NTM: variants seen among roughly 807,000 people sequenced by gnomAD.
NTM encodes the protein IgLON family member 2.
In NTM, 13 loss-of-function variants were observed where a neutral mutation model predicts 42.1. The ratio of observed to expected loss-of-function variants is 0.31; its 90% CI spans 0.20 to 0.49. The LOEUF (loss-of-function observed/expected upper bound fraction) is 0.49. NTM is among the 20% of genes least tolerant of loss of function. The pLI is 0.99. For missense variants in NTM, 373 were observed against 452.8 expected (o/e 0.82, Z 1.60); for synonymous variants, 187 against 179.2 (o/e 1.04, Z -0.35).
chr11:131,857,576 G>A (rs895827628), intron 1 of NTM, among the ~76,000 whole-genome samples: 1 of 152,016 alleles, frequency 6.6e-6, no homozygotes, highest in East Asian at 1.9e-4. Context: ...CTTTTCCTGG[G>A]GATAGGAACC....
At chr11:132,229,679 A>G (rs1035105425) in intron 4 of NTM, among the ~76,000 whole-genome samples, 1 of 152,142 alleles carries the variant, frequency 6.6e-6, no homozygotes, top group Non-Finnish European at 1.5e-5. Flanking sequence ...ATTCATGACA[A>G]TCTGTAGATT....
At chr11:131,716,186 G>C (rs789540) in intron 1 of NTM, among the ~76,000 whole-genome samples, 24,896 of 152,064 alleles carry the variant, frequency 0.16, 2,131 homozygotes, top group Middle Eastern at 0.22. Context: ...GAACAAGTTC[G>C]CCTGGGCCTT....
chr11:132,012,717 T>C (rs937814552), intron 2 of NTM, among the ~76,000 whole-genome samples: 7 of 152,164 alleles, frequency 4.6e-5, no homozygotes, highest in African/African-American at 7.2e-5. Flanking sequence ...AAAGAGAATC[T>C]AAAAAGGTTA....
At chr11:131,668,271 T>TCTAC (rs538957940) in intron 1 of NTM, among the ~76,000 whole-genome samples, 145 of 151,888 alleles carry the variant, frequency 9.5e-4, no homozygotes, top group Middle Eastern at 6.8e-3. Context: ...TATCTATCTA[T>TCTAC]CTATCTATCT....
chr11:131,947,947 C>CTTA (rs915483668), intron 2 of NTM, among the ~76,000 whole-genome samples: 1 of 152,126 alleles, frequency 6.6e-6, no homozygotes, highest in Non-Finnish European at 1.5e-5. Context: ...ATGAGTAGTA[C>CTTA]TTATTATTAG....
At chr11:131,860,135 G>A (rs1047733707) in intron 1 of NTM, among the ~76,000 whole-genome samples, 1 of 152,190 alleles carries the variant, frequency 6.6e-6, no homozygotes, top group African/African-American at 2.4e-5. Context: ...TTCAGGGCAG[G>A]TGTGAGGTTT....
At chr11:131,926,425 C>G (rs562375835) in intron 2 of NTM, among the ~76,000 whole-genome samples, 1 of 151,956 alleles carries the variant, frequency 6.6e-6, no homozygotes. Context: ...GGGGCTTGCA[C>G]GATGGTCAAG....
chr11:131,902,209 TAAAAA>T (rs2053265890), intron 1 of NTM, among the ~76,000 whole-genome samples: 2 of 152,290 alleles, frequency 1.3e-5, no homozygotes, highest in Middle Eastern at 3.4e-3. Context: ...AGTAAAGAAT[TAAAAA>T]AGGAAGTGGA....
intron 1 of NTM, among the ~76,000 whole-genome samples, chr11:131,602,658 C>G (rs186700363): frequency 8.5e-5 from 13 of 152,340 alleles, no homozygotes; most frequent in African/African-American, 3.1e-4. Context: ...CCAAACATCT[C>G]TGAGTTCTAG....
intron 1 of NTM, among the ~76,000 whole-genome samples, chr11:131,374,349 C>T (rs115574057): frequency 0.015 from 2,344 of 152,336 alleles, 48 homozygotes; most frequent in African/African-American, 0.054. Flanking sequence ...AGAGTGTCTG[C>T]CCTGGCCGGC....
At chr11:131,998,145 G>C (rs191004784) in intron 2 of NTM, among the ~76,000 whole-genome samples, 2 of 152,128 alleles carry the variant, frequency 1.3e-5, no homozygotes, top group East Asian at 1.9e-4. Flanking sequence ...CTGGTTTTAC[G>C]GGGTCATAAA....
chr11:131,888,571 A>T (rs1323500225), intron 1 of NTM, among the ~76,000 whole-genome samples: 1 of 151,516 alleles, frequency 6.6e-6, no homozygotes, highest in African/African-American at 2.4e-5. Flanking sequence ...CTGCCTTCCC[A>T]CTCTTTCTCC....
At chr11:131,746,699 G>T (rs1401245041) in intron 1 of NTM, among the ~76,000 whole-genome samples, 1 of 152,138 alleles carries the variant, frequency 6.6e-6, no homozygotes, top group Non-Finnish European at 1.5e-5. Context: ...AAGGAGCTCA[G>T]TTTTATAAAT....
rs150265565 is a variant in NTM at position 132,292,178 on chromosome 11, G to T, written c.527-15511G>T. 3.9e-4 allele frequency among the ~76,000 whole-genome samples: 59 copies of T among 152,252 alleles called. No homozygotes were observed. The East Asian group carries it at 0.01, about 26-fold the overall frequency. On this transcript the variant is annotated intron_variant, in intron 4 of 8. Coordinates refer to ENST00000683400, the MANE Select transcript of NTM (RefSeq NM_001352005.2). Reference sequence around the variant, plus strand: ...AATGCATAGAACAAAAGGAGGAATTGGTTTTTTGATAGCGGGAAGGGAAGA... The same window carrying T: ...AATGCATAGAACAAAAGGAGGAATTTGTTTTTTGATAGCGGGAAGGGAAGA...
At chr11:131,383,362 T>C (rs2135535925) in intron 1 of NTM, among the ~76,000 whole-genome samples, 1 of 152,302 alleles carries the variant, frequency 6.6e-6, no homozygotes, top group East Asian at 1.9e-4. Context: ...TGGTAAGTGC[T>C]AGAATAAAAG....
chr11:132,059,755 A>G (rs1218014894), intron 2 of NTM, among the ~76,000 whole-genome samples: 1 of 89,576 alleles, frequency 1.1e-5, no homozygotes, highest in African/African-American at 4.4e-5. Context: ...ACCCCCTGCC[A>G]CGAGCTCTGC....
intron 2 of NTM, among the ~76,000 whole-genome samples, chr11:132,075,397 C>T (rs1231404632): frequency 6.6e-6 from 1 of 152,146 alleles, no homozygotes; most frequent in Non-Finnish European, 1.5e-5. Context: ...TAAGGTGCAA[C>T]AATATTTTTG....
At chr11:132,078,194 G>T (rs2058605422) in intron 2 of NTM, among the ~76,000 whole-genome samples, 1 of 152,190 alleles carries the variant, frequency 6.6e-6, no homozygotes, top group African/African-American at 2.4e-5. Flanking sequence ...TTTAATCTCT[G>T]TTTAGCCTTG....
At chr11:131,791,527 A>C (rs1478571794) in intron 1 of NTM, among the ~76,000 whole-genome samples, 1 of 152,214 alleles carries the variant, frequency 6.6e-6, no homozygotes, top group African/African-American at 2.4e-5. Context: ...CAGGTCAAGC[A>C]ACATAACATC....
Sources: allele counts gnomAD v4.1 joint callset (sites outside exome capture counted in the v4.1 genomes callset), GRCh38; gene constraint gnomAD v4.1.1; transcripts MANE v1.5; gene names NCBI Gene and HGNC (gene_info 2026-07-23, HGNC 2026-07-21).